MEI1: variants seen among roughly 807,000 people sequenced by gnomAD.
The protein encoded by MEI1 is meiotic double-stranded break formation protein 1.
MEI1 carries 103 observed loss-of-function variants against 146.2 expected under a neutral mutation model. The ratio of observed to expected loss-of-function variants is 0.70; its 90% CI spans 0.60 to 0.83. The LOEUF (loss-of-function observed/expected upper bound fraction) is 0.83, where lower values mean the gene tolerates loss of function less well. Among genes scored for constraint, MEI1 ranks in the 40% least tolerant of loss-of-function variants. The probability of loss-of-function intolerance (pLI) is 0.00; values close to 1 mark genes in which losing one functional copy is unlikely to be tolerated. For missense variants in MEI1, 1,529 were observed against 1,533.0 expected, an observed-to-expected ratio of 1.00 and a Z score of 0.04; for synonymous variants, 652 against 628.2, an observed-to-expected ratio of 1.04 and a Z score of -0.57.
chr22:41,772,113 C>G (rs1173674416), intron 20 of MEI1, among the ~76,000 whole-genome samples: 1 of 152,170 alleles, frequency 6.6e-6, no homozygotes, highest in Non-Finnish European at 1.5e-5. Flanking sequence ...ACCTGTTACT[C>G]CTAGGCTACA....
At chr22:41,771,220 C>A (rs2075165514) in intron 20 of MEI1, among the ~76,000 whole-genome samples, 1 of 152,176 alleles carries the variant, frequency 6.6e-6, no homozygotes, top group Admixed American at 6.5e-5. Flanking sequence ...GGGGATGACA[C>A]TATGAAATGC....
Position 41,745,907 on chromosome 22 carries a change from G to C in MEI1, c.1561G>C (p.Glu521Gln). 1.2e-6 allele frequency: 2 copies of C among 1,610,980 alleles called. No individual in the cohort carries two copies. The highest frequency in any genetic ancestry group is 1.1e-5 in the South Asian group (1 of 90,856). ...ACRLAIEFQS[E>Q]PSAQENPFTA... Reference sequence around the variant, plus strand: ...TAGGTTGGCTATAGAATTCCAGAGTGAGCCTTCAGCCCAGGAGAATCCATT... The same window carrying C: ...TAGGTTGGCTATAGAATTCCAGAGTCAGCCTTCAGCCCAGGAGAATCCATT... The change falls in exon 14 of 31, where the codon GAG becomes CAG. Residue 521 changes from glutamate (E) to glutamine (Q), a missense_variant. Around this residue, in one of 3 missense-constraint regions of MEI1, gnomAD observed 1,212 missense variants for 1,178.9 expected, o/e 1.03. Transcript: ENST00000401548.
At chr22:41,779,708 T>C (rs1393129888) in intron 22 of MEI1, among the ~76,000 whole-genome samples, 1 of 152,192 alleles carries the variant, frequency 6.6e-6, no homozygotes, top group Non-Finnish European at 1.5e-5. Flanking sequence ...ACAGATCCTA[T>C]TCATGCAGAT....
At chr22:41,758,309 A>C in intron 17 of MEI1, 56 bp from the exon 18 acceptor site, 625 of 1,549,134 alleles carry the variant, frequency 4.0e-4, no homozygotes, top group Non-Finnish European at 5.1e-4. Flanking sequence ...TAATGTGCTG[A>C]TTACCTGTTC....
rs2071099648 is a variant in MEI1 at position 41,724,067 on chromosome 22, C to G, written c.858C>G (p.Leu286=). Residue 286 remains leucine, a synonymous_variant, in exon 7 of 31, where the codon CTC becomes CTG. Coordinates refer to ENST00000401548, the MANE Select transcript of MEI1 (RefSeq NM_152513.4). ...SSGNTSLPLV[L]KKLLLSRDET... ...GAAATACCTCACTGCCTTTGGTGCT[C>G]AAAAAGGTAGTTGTCTTGTGATTCC... 6.2e-7 allele frequency: 1 copy of G among 1,613,682 alleles called. No individual in the cohort carries two copies. Among genetic ancestry groups the G allele is most frequent in the African/African-American group, 1.3e-5 (1 of 75,008 alleles).
chr22:41,702,881 G>A (rs767647672), intron 1 of MEI1, among the ~76,000 whole-genome samples: 8 of 151,956 alleles, frequency 5.3e-5, no homozygotes, highest in Non-Finnish European at 8.8e-5. Flanking sequence ...CACCATGCCC[G>A]AGTAATTTTT....
intron 26 of MEI1, among the ~76,000 whole-genome samples, chr22:41,793,477 T>C (rs2076264477): frequency 6.6e-6 from 1 of 152,144 alleles, no homozygotes; most frequent in African/African-American, 2.4e-5. Flanking sequence ...AATTTTTGTA[T>C]ATTTAGTAGA....
At chr22:41,731,642 G>T (rs746932008) in intron 9 of MEI1, among the ~76,000 whole-genome samples, 5 of 152,216 alleles carry the variant, frequency 3.3e-5, no homozygotes, top group Non-Finnish European at 7.3e-5. Flanking sequence ...ACAGGCGTGA[G>T]TGCACTGTCT....
intron 6 of MEI1, among the ~76,000 whole-genome samples, chr22:41,718,719 C>T (rs1422700362): frequency 1.3e-5 from 2 of 152,022 alleles, no homozygotes; most frequent in African/African-American, 2.4e-5. Context: ...CTTATTGGTT[C>T]AGAAATTTAT....
At position 41,784,659 on chromosome 22, in the gene MEI1, C is replaced by G. The variant is rs1222871892; in HGVS notation, c.3221C>G (p.Ala1074Gly). ...RTALRQSFSS[A>G]LVALVPSGAQ... ...GCCCTGCGACAAAGCTTTTCCTCTG[C>G]CCTGGTAGCCCTGGTGCCCTCAGGG... is the stretch of plus-strand genomic sequence containing the variant. The change falls in exon 26 of 31, where the codon GCC (alanine) becomes GGC (glycine). Residue 1074 changes from alanine to glycine, a missense_variant. This residue lies in a region of MEI1 where 313 missense variants were observed against 337.3 expected (regional missense o/e 0.93). Coordinates refer to ENST00000401548, the MANE Select transcript of MEI1 (RefSeq NM_152513.4). 6.2e-7 allele frequency: 1 copy of G among 1,613,626 alleles called. No individual in the cohort carries two copies. Among genetic ancestry groups the G allele is most frequent in the Non-Finnish European group, 8.5e-7 (1 of 1,179,890 alleles).
chr22:41,795,457 G>A lies in MEI1; in HGVS notation c.3581G>A (p.Gly1194Asp), dbSNP rs1185069085. ...AGTGTCCTCTCTCATGAAGAGGTGGGTGATGTTCTGCAAGGTGTGGCTTTG... is the reference window on the plus strand; with the variant it reads ...AGTGTCCTCTCTCATGAAGAGGTGGATGATGTTCTGCAAGGTGTGGCTTTG... Reference protein sequence around the residue: ...SSSVLSHEEVGDVLQGVALAD... With the variant: ...SSSVLSHEEVDDVLQGVALAD... Residue 1194 changes from glycine (G) to aspartate (D), a missense_variant, in exon 29 of 31, where the codon GGT becomes GAT. Transcript: ENST00000401548. The surrounding 1 kb of genome is among the most constrained non-coding windows in gnomAD (Gnocchi z 4.2). 6.2e-7 allele frequency: 1 copy of A among 1,613,746 alleles called. No individual in the cohort carries two copies. Among genetic ancestry groups the A allele is most frequent in the Non-Finnish European group, 8.5e-7 (1 of 1,179,842 alleles).
chr22:41,743,304 T>G (rs1424653370), intron 12 of MEI1, 110 bp downstream of exon 12: 5 of 691,764 alleles, frequency 7.2e-6, no homozygotes, highest in Admixed American at 2.2e-5. Context: ...CTTTTTCTCA[T>G]GCACACATGG....
intron 12 of MEI1, among the ~76,000 whole-genome samples, chr22:41,743,930 G>A (rs1447018423): frequency 6.6e-6 from 1 of 151,926 alleles, no homozygotes; most frequent in Non-Finnish European, 1.5e-5. Context: ...AGTCTGGAGT[G>A]CAGTGGCACG....
intron 12 of MEI1, among the ~76,000 whole-genome samples, chr22:41,744,244 C>T (rs1392974318): frequency 6.6e-6 from 1 of 152,002 alleles, no homozygotes; most frequent in Non-Finnish European, 1.5e-5. Context: ...GATTTTGGCT[C>T]ACTGCAACCT....
chr22:41,758,136 C>G (rs376452783), intron 17 of MEI1, among the ~76,000 whole-genome samples: 3 of 152,006 alleles, frequency 2.0e-5, no homozygotes, highest in African/African-American at 7.2e-5. Flanking sequence ...AAGGAATGAA[C>G]GTTAATTTTT....
Position 41,794,416 on chromosome 22 carries a change from C to A in MEI1, c.3473C>A (p.Thr1158Asn). The change falls in exon 28 of 31, where the codon ACC (threonine) becomes AAC (asparagine). Residue 1158 changes from threonine (T) to asparagine (N), a missense_variant. By Grantham distance (65) the Thr-to-Asn change is moderately conservative (BLOSUM62 0). Coordinates refer to ENST00000401548, the MANE Select transcript of MEI1 (RefSeq NM_152513.4). ...CCTTGGAATCGGTTTTTGCTGTTTA[C>A]CCTCTTGGATGCTGGAGAGAATTCC... The part of the protein sequence containing the change: ...SQPWNRFLLF[T>N]LLDAGENSFL... The A allele has an allele frequency of 6.2e-7, 1 of 1,613,960 alleles. No homozygotes were observed. The highest frequency in any genetic ancestry group is 8.5e-7 in the Non-Finnish European group (1 of 1,179,880).
intron 26 of MEI1, 23 bp from the exon 27 acceptor site, chr22:41,793,806 A>ATTTTT: frequency 1.1e-5 from 15 of 1,401,318 alleles, no homozygotes; most frequent in East Asian, 4.9e-5. Context: ...ACCTGACCTG[A>ATTTTT]TTTTTTTTTT....
chr22:41,748,169 C>A lies in MEI1; in HGVS notation c.1743C>A (p.Asn581Lys). ...LMEVFLSILH[N>K]LFVIVPHMKE... ...AAGTTTTCCTCTCAATTCTACATAA[C>A]CTCTTTGTCATCGTTCCCCACATGA... The change falls in exon 15 of 31, where the codon AAC becomes AAA. Residue 581 changes from asparagine (N) to lysine (K), a missense_variant. Physicochemically the swap from Asn to Lys is moderately conservative, Grantham distance 94. This residue lies in a region of MEI1 where 1,212 missense variants were observed against 1,178.9 expected (regional missense o/e 1.03). Transcript: ENST00000401548. The A allele has an allele frequency of 1.2e-6, 2 of 1,613,976 alleles. No individual in the cohort carries two copies. Among genetic ancestry groups the A allele is most frequent in the Non-Finnish European group, 1.7e-6 (2 of 1,179,876 alleles).
intron 15 of MEI1, among the ~76,000 whole-genome samples, chr22:41,748,626 T>C (rs2147818071): frequency 6.6e-6 from 1 of 152,312 alleles, no homozygotes; most frequent in African/African-American, 2.4e-5. Context: ...CTGTTTTAAG[T>C]GCTTTGCATG....
Sources: allele counts gnomAD v4.1 joint callset (sites outside exome capture counted in the v4.1 genomes callset), GRCh38; gene constraint gnomAD v4.1.1; regional missense constraint gnomAD v4.1.1; non-coding constraint Gnocchi (gnomAD v3.1); transcripts MANE v1.5; gene names NCBI Gene and HGNC (gene_info 2026-07-23, HGNC 2026-07-21).